The following PTPRD variants were observed in gnomAD, a reference collection of about 807,000 sequenced individuals.
PTPRD encodes the protein receptor-type tyrosine-protein phosphatase delta.
A neutral mutation model predicts 214.5 loss-of-function variants in PTPRD; 34 were observed. The observed-to-expected ratio is 0.16, with a 90% CI of 0.12 to 0.21. The LOEUF (loss-of-function observed/expected upper bound fraction) is 0.21, where lower values mean the gene tolerates loss of function less well. Ranked by LOEUF, PTPRD falls within the 10% of genes least tolerant of loss-of-function variation. The pLI is 1.00. For missense variants in PTPRD, 2,545 were observed against 2,398.7 expected, an observed-to-expected ratio of 1.06 and a Z score of -1.27; for synonymous variants, 1,128 against 845.7, an observed-to-expected ratio of 1.33 and a Z score of -5.79.
intron 6 of PTPRD, among the ~76,000 whole-genome samples, chr9:9,743,819 C>T (rs1444655335): frequency 6.7e-6 from 1 of 149,828 alleles, no homozygotes; most frequent in Admixed American, 6.7e-5. Context: ...AAGGTGGGTT[C>T]GATGATTTCT....
chr9:9,402,979 A>AAC (rs2071372823), intron 8 of PTPRD, among the ~76,000 whole-genome samples: 1 of 144,120 alleles, frequency 6.9e-6, no homozygotes, highest in African/African-American at 2.6e-5. Flanking sequence ...AAAAAAAAAA[A>AAC]AAAAAAAAAA....
At chr9:10,098,665 G>C (rs548272541) in intron 3 of PTPRD, among the ~76,000 whole-genome samples, 22 of 151,706 alleles carry the variant, frequency 1.5e-4, no homozygotes, top group African/African-American at 5.3e-4. Context: ...AAAAACATTA[G>C]TTACTTCAAG....
intron 9 of PTPRD, among the ~76,000 whole-genome samples, chr9:9,266,956 A>G (rs1460622887): frequency 2.6e-5 from 4 of 151,302 alleles, no homozygotes; most frequent in Admixed American, 2.0e-4. Flanking sequence ...TCAGAGCATA[A>G]ATAAATGAAA....
rs757969912 is a variant in PTPRD, at chr9:10,331,303, C to T, written c.-545+9660G>A. On this transcript the variant is annotated intron_variant, in intron 3 of 45. Coordinates refer to ENST00000381196, the MANE Select transcript of PTPRD (RefSeq NM_002839.4). The stretch of plus-strand genomic sequence containing the variant: ...GCCATGGCTTTGGACCCCTGCAGTA[C>T]GAGGAAGCTAAAAGGGCATTGAGAA... 7.9e-5 allele frequency among the ~76,000 whole-genome samples: 12 copies of T among 151,834 alleles called. No homozygotes were observed. The South Asian group carries it at 1.7e-3, about 21-fold the overall frequency.
intron 2 of PTPRD, among the ~76,000 whole-genome samples, chr9:10,485,052 G>C (rs1024281255): frequency 2.0e-5 from 3 of 151,774 alleles, no homozygotes; most frequent in African/African-American, 4.8e-5. Flanking sequence ...TATGAAAGGA[G>C]ATAGAGGTCT....
Position 8,702,488 on chromosome 9 carries a change from A to T in PTPRD, c.64+31292T>A, listed in dbSNP as rs1042122349. On this transcript the variant is annotated intron_variant, in intron 12 of 45. Coordinates refer to ENST00000381196, the MANE Select transcript of PTPRD (RefSeq NM_002839.4). The stretch of plus-strand genomic sequence containing the variant: ...AGTATCCCTGTCTTCAGAAAGCTCC[A>T]GTTTTGAAGAGATAAAAATAAAGCC... 3.9e-5 allele frequency among the ~76,000 whole-genome samples: 6 copies of T among 152,318 alleles called. No individual in the cohort carries two copies. The East Asian group carries it at 1.2e-3, about 29-fold the overall frequency.
chr9:9,434,850 T>C (rs985644683), intron 8 of PTPRD, among the ~76,000 whole-genome samples: 2 of 148,526 alleles, frequency 1.3e-5, no homozygotes, highest in African/African-American at 4.9e-5. Flanking sequence ...TTTTATATAG[T>C]ATAATATATA....
At chr9:9,125,951 A>G (rs2099831615) in intron 10 of PTPRD, among the ~76,000 whole-genome samples, 1 of 152,170 alleles carries the variant, frequency 6.6e-6, no homozygotes, top group African/African-American at 2.4e-5. Flanking sequence ...TGAATGGTCC[A>G]GGCAGAAGGG....
In PTPRD at chr9:9,947,317, T is replaced by TATTATATATAAAATATATATA. The variant is rs1491278159; in HGVS notation, c.-471-8708_-471-8707insTATATATATTTTATATATAAT. ...TTATATATATATTTTATATATATAT[T>TATTATATATAAAATATATATA]ATATATATTATATATGTATTATATA... On this transcript the variant is annotated intron_variant, in intron 4 of 45. Transcript: ENST00000381196. Among the ~76,000 whole-genome samples, 54 of 71,634 alleles carry TATTATATATAAAATATATATA rather than the reference T, an allele frequency of 7.5e-4. 1 individual carries two copies. The highest frequency in any genetic ancestry group is 4.5e-3 in the African/African-American group (49 of 10,850). The allele number at this position is 71,634 out of a possible 152,430, so 47.0% of individuals were successfully genotyped here.
chr9:9,322,955 G>C (rs1967309416), intron 9 of PTPRD, among the ~76,000 whole-genome samples: 1 of 152,098 alleles, frequency 6.6e-6, no homozygotes, highest in African/African-American at 2.4e-5. Flanking sequence ...TGTCTATTCT[G>C]TTAGGTTTTT....
intron 8 of PTPRD, among the ~76,000 whole-genome samples, chr9:9,500,814 G>C (rs1247020691): frequency 6.6e-6 from 1 of 151,952 alleles, no homozygotes; most frequent in Non-Finnish European, 1.5e-5. Context: ...TGTTTTGGGA[G>C]GGTGTTACAA....
chr9:9,279,814 G>A (rs1214355050), intron 9 of PTPRD, among the ~76,000 whole-genome samples: 1 of 150,948 alleles, frequency 6.6e-6, no homozygotes, highest in East Asian at 2.0e-4. Flanking sequence ...ATGTGTTAAT[G>A]TCCAACTTTT....
chr9:9,643,352 G>A (rs901614616), intron 7 of PTPRD, among the ~76,000 whole-genome samples: 5 of 152,158 alleles, frequency 3.3e-5, no homozygotes, highest in African/African-American at 1.2e-4. Context: ...GCTTTTTAAA[G>A]TTACATTAAA....
chr9:10,349,563 G>A (rs939777122), intron 2 of PTPRD, among the ~76,000 whole-genome samples: 2 of 151,864 alleles, frequency 1.3e-5, no homozygotes, highest in Admixed American at 6.6e-5. Flanking sequence ...ATGTCCCTCA[G>A]TATTTTTTAG....
intron 10 of PTPRD, among the ~76,000 whole-genome samples, chr9:9,042,421 C>A (rs1259149501): frequency 1.3e-5 from 2 of 152,050 alleles, no homozygotes; most frequent in East Asian, 3.9e-4. Flanking sequence ...GTTAGACTGG[C>A]AGGTCACCTT....
chr9:10,386,097 T>C (rs1350191591), intron 2 of PTPRD, among the ~76,000 whole-genome samples: 1 of 151,896 alleles, frequency 6.6e-6, no homozygotes, highest in Non-Finnish European at 1.5e-5. Flanking sequence ...CAGTCTTTAC[T>C]TAGCAAGTGG....
intron 2 of PTPRD, among the ~76,000 whole-genome samples, chr9:10,598,670 A>ACGTATG (rs879324469): frequency 3.7e-5 from 3 of 80,940 alleles, no homozygotes; most frequent in Admixed American, 2.5e-4. Flanking sequence ...ATTTTTATAT[A>ACGTATG]TGTATGTGTG....
At chr9:8,727,014 T>C (rs896885307) in intron 12 of PTPRD, among the ~76,000 whole-genome samples, 2 of 151,552 alleles carry the variant, frequency 1.3e-5, no homozygotes, top group African/African-American at 4.8e-5. Flanking sequence ...ATCAGGTACA[T>C]AGAAACAGAA....
intron 8 of PTPRD, among the ~76,000 whole-genome samples, chr9:9,444,492 C>T (rs1378973146): frequency 6.6e-6 from 1 of 152,090 alleles, no homozygotes; most frequent in East Asian, 1.9e-4. Context: ...TGCAGATGCT[C>T]CATAAATTGG....
Sources: gnomAD v4.1 joint callset for allele counts (sites outside exome capture counted in the v4.1 genomes callset) on GRCh38, gnomAD v4.1.1 for gene constraint, MANE v1.5 for transcripts, NCBI Gene and HGNC (gene_info 2026-07-23, HGNC 2026-07-21) for gene names.